THRB: variants seen among roughly 807,000 people sequenced by gnomAD.
The protein encoded by THRB is nuclear receptor subfamily 1 group A member 2.
Under a neutral mutation model 47.8 loss-of-function variants are expected in THRB, and 12 were observed. That is an observed-to-expected ratio of 0.25 (90% CI 0.16 to 0.41). The LOEUF is 0.41. THRB is among the 10% of genes least tolerant of loss of function. The pLI is 1.00. For synonymous variants in THRB, 218 were observed against 212.2 expected (o/e 1.03, Z -0.24); for missense variants, 348 against 589.2 (o/e 0.59, Z 4.24).
intron 1 of THRB, among the ~76,000 whole-genome samples, chr3:24,418,449 C>G (rs1560140460): frequency 6.6e-6 from 1 of 151,838 alleles, no homozygotes; most frequent in South Asian, 2.1e-4. Flanking sequence ...TTACAAACCC[C>G]TACTGAATTC....
chr3:24,226,720 A>G (rs1309575730), intron 4 of THRB, among the ~76,000 whole-genome samples: 1 of 152,198 alleles, frequency 6.6e-6, no homozygotes, highest in African/African-American at 2.4e-5. Flanking sequence ...GTTTGTAGCT[A>G]GAAGAGAACT....
intron 3 of THRB, among the ~76,000 whole-genome samples, chr3:24,247,024 T>C (rs1199167158): frequency 2.6e-5 from 4 of 152,200 alleles, no homozygotes; most frequent in Non-Finnish European, 4.4e-5. Flanking sequence ...GCGGATCCCA[T>C]ATGATATGCT....
Position 24,134,947 on chromosome 3 carries a change from GGT to G in THRB, c.739-1487_739-1486del, listed in dbSNP as rs201289246. ...GCAGAGCAGTGAGGACACTGCCAGT[GGT>G]GAGACTAGCCTAACATAGTGGCCCC... On this transcript the variant is annotated intron_variant, in intron 8 of 10. Coordinates refer to ENST00000646209, the MANE Select transcript of THRB (RefSeq NM_001354712.2). Among the ~76,000 whole-genome samples the G allele has an allele frequency of 9.4e-3, 1,434 of 152,292 alleles. 12 individuals are homozygous for G. Among genetic ancestry groups the G allele is most frequent in the Non-Finnish European group, 0.014 (956 of 68,030 alleles).
intron 1 of THRB, among the ~76,000 whole-genome samples, chr3:24,468,375 G>C (rs1215540813): frequency 6.6e-6 from 1 of 152,184 alleles, no homozygotes; most frequent in Non-Finnish European, 1.5e-5. Context: ...TCCTTTGCAT[G>C]TACAATTTGG....
At chr3:24,208,352 A>T (rs982697858) in intron 4 of THRB, among the ~76,000 whole-genome samples, 14 of 152,230 alleles carry the variant, frequency 9.2e-5, no homozygotes, top group African/African-American at 3.4e-4. Context: ...AAACTACTTT[A>T]AAGTTCATAT....
rs72619917 is a variant in THRB, at chr3:24,140,133, C to G, written c.738+3368G>C. On this transcript the variant is annotated intron_variant, in intron 8 of 10. Transcript: ENST00000646209. ...AAAAGAGTGAAATTTTCATCCTGAG[C>G]ATAAATACTCAGTTGGAGTCACGTT... is the stretch of plus-strand genomic sequence containing the variant. Among the ~76,000 whole-genome samples the G allele has an allele frequency of 2.9e-3, 442 of 152,296 alleles. 7 individuals carry two copies. The South Asian group carries it at 0.048, about 16-fold the overall frequency.
intron 1 of THRB, among the ~76,000 whole-genome samples, chr3:24,391,090 G>A (rs1441268501): frequency 6.6e-6 from 1 of 152,128 alleles, no homozygotes; most frequent in Non-Finnish European, 1.5e-5. Flanking sequence ...CTTGGGACAG[G>A]TGAGCAGGGG....
At chr3:24,391,445 G>A (rs948783741) in intron 1 of THRB, among the ~76,000 whole-genome samples, 2 of 151,912 alleles carry the variant, frequency 1.3e-5, no homozygotes, top group Admixed American at 6.6e-5. Flanking sequence ...TATTAAATCT[G>A]GAGACAGTTA....
intron 3 of THRB, among the ~76,000 whole-genome samples, chr3:24,247,394 C>A (rs952843349): frequency 1.3e-5 from 2 of 152,162 alleles, no homozygotes; most frequent in African/African-American, 2.4e-5. Flanking sequence ...TCCTTTATTA[C>A]TCTTATTACT....
At chr3:24,137,566 C>T (rs987503370) in intron 8 of THRB, among the ~76,000 whole-genome samples, 2 of 152,048 alleles carry the variant, frequency 1.3e-5, no homozygotes, top group Admixed American at 1.3e-4. Flanking sequence ...ACACTCAAGG[C>T]AGAGAGGAAA....
At chr3:24,490,662 T>C (rs555838623) in intron 1 of THRB, among the ~76,000 whole-genome samples, 40 of 152,288 alleles carry the variant, frequency 2.6e-4, no homozygotes, top group African/African-American at 9.4e-4. Context: ...GGGGTGTTTA[T>C]GGCCATAGGG....
intron 3 of THRB, among the ~76,000 whole-genome samples, chr3:24,241,917 C>T (rs2049556507): frequency 6.6e-6 from 1 of 152,134 alleles, no homozygotes; most frequent in Non-Finnish European, 1.5e-5. Flanking sequence ...CTCCCCTGCC[C>T]ATCGCCACAA....
At chr3:24,392,912 A>G (rs1166526652) in intron 1 of THRB, among the ~76,000 whole-genome samples, 1 of 152,114 alleles carries the variant, frequency 6.6e-6, no homozygotes, top group South Asian at 2.1e-4. Context: ...ATCTCTATTT[A>G]TACCCAGAAA....
At chr3:24,390,413 A>G (rs977640736) in intron 1 of THRB, among the ~76,000 whole-genome samples, 2 of 152,156 alleles carry the variant, frequency 1.3e-5, no homozygotes, top group African/African-American at 2.4e-5. Flanking sequence ...ATCAGCATAT[A>G]TAATATTTAC....
intron 1 of THRB, among the ~76,000 whole-genome samples, chr3:24,405,210 A>G (rs1250740710): frequency 1.3e-5 from 2 of 151,960 alleles, no homozygotes; most frequent in Non-Finnish European, 2.9e-5. Flanking sequence ...TTTTAAGTGT[A>G]TCTGGAATAT....
At chr3:24,256,709 T>A (rs1162509663) in intron 3 of THRB, among the ~76,000 whole-genome samples, 1 of 152,122 alleles carries the variant, frequency 6.6e-6, no homozygotes, top group East Asian at 1.9e-4. Context: ...GGCTCATGTG[T>A]CTGGTGTCAG....
intron 1 of THRB, among the ~76,000 whole-genome samples, chr3:24,341,321 T>C (rs2062637900): frequency 6.7e-6 from 1 of 149,538 alleles, no homozygotes; most frequent in Non-Finnish European, 1.5e-5. Flanking sequence ...CACTTCCACT[T>C]CCTGGCTCAA....
At chr3:24,465,564 G>A (rs973335312) in intron 1 of THRB, among the ~76,000 whole-genome samples, 1 of 152,044 alleles carries the variant, frequency 6.6e-6, no homozygotes, top group Non-Finnish European at 1.5e-5. Context: ...CACCATGACA[G>A]GCTTAATTTT....
At chr3:24,435,813 A>G (rs930784425) in intron 1 of THRB, among the ~76,000 whole-genome samples, 1 of 152,216 alleles carries the variant, frequency 6.6e-6, no homozygotes, top group Admixed American at 6.5e-5. Context: ...ATGCAGATGC[A>G]ACGTTGGCCT....
Sources: allele counts gnomAD v4.1 joint callset (sites outside exome capture counted in the v4.1 genomes callset), GRCh38; gene constraint gnomAD v4.1.1; transcripts MANE v1.5; gene names NCBI Gene and HGNC (gene_info 2026-07-23, HGNC 2026-07-21).